Variants in NLRP5 observed in about 807,000 individuals in gnomAD.
NLRP5 encodes the protein NLR family pyrin domain containing 5, also known as NACHT, LRR and PYD domains-containing protein 5.
In NLRP5, 93 loss-of-function variants were observed where a neutral mutation model predicts 113.1. That is an observed-to-expected ratio of 0.82 (90% CI 0.70 to 0.98). The LOEUF (loss-of-function observed/expected upper bound fraction) is 0.98. Among genes scored for constraint, NLRP5 ranks in the 50% least tolerant of loss-of-function variants. NLRP5 has a pLI of 0.00. For missense variants in NLRP5, 1,808 were observed against 1,514.3 expected (o/e 1.19, Z -3.22); for synonymous variants, 751 against 600.7 (o/e 1.25, Z -3.66).
At position 56,033,604 on chromosome 19, in the gene NLRP5, G is replaced by A. The variant is rs201517651; in HGVS notation, c.2510G>A (p.Arg837His). ...CTCTGGAGAATCGTCATGGCCAACC[G>A]TAACCTAAGATCCCTCAACTTGGGA... The change falls in exon 9 of 15, where the codon CGT (arginine) becomes CAT (histidine). Residue 837 changes from arginine to histidine, a missense_variant. By Grantham distance (29) the Arg-to-His change is conservative. Transcript: ENST00000390649. 34 of 1,613,528 alleles carry A rather than the reference G, an allele frequency of 2.1e-5. No homozygotes were observed. Among genetic ancestry groups the A allele is most frequent in the Middle Eastern group, 1.7e-4 (1 of 6,060 alleles).
In NLRP5 at chr19:56,053,617, T is replaced by C. The variant is rs1984014003; in HGVS notation, c.3129-21T>C. 5.6e-6 allele frequency: 9 copies of C among 1,605,444 alleles called. No homozygotes were observed. In the South Asian group the frequency reaches 8.9e-5, roughly 16 times the overall value. On this transcript the variant is annotated intron_variant, in intron 12 of 14. Coordinates refer to ENST00000390649, the MANE Select transcript of NLRP5 (RefSeq NM_153447.4). ...CTTTCCTCGAGAGAGGCAGACTCTC[T>C]CTATTCCCCGCCTCTTGCAGGTTGG... is the stretch of plus-strand genomic sequence containing the variant.
chr19:56,013,600 T>TTTTTTTTTTTTTTTTTTTTTTTG (rs1982292195), intron 3 of NLRP5, among the ~76,000 whole-genome samples: 1 of 130,774 alleles, frequency 7.6e-6, no homozygotes, highest in African/African-American at 2.9e-5. Context: ...ATTTGGGTTT[T>TTTTTTTTTTTTTTTTTTTTTTTG]TTTTTTTTTT....
At position 56,033,690 on chromosome 19, in the gene NLRP5, T is replaced by C. The variant is rs755525227; in HGVS notation, c.2596T>C (p.Cys866Arg). 11 of 1,613,228 alleles carry C rather than the reference T, an allele frequency of 6.8e-6. No individual in the cohort carries two copies. The highest frequency in any genetic ancestry group is 9.3e-6 in the Non-Finnish European group (11 of 1,179,590). The change falls in exon 9 of 15, where the codon TGT becomes CGT. Residue 866 changes from cysteine (C) to arginine (R), a missense_variant. Transcript: ENST00000390649. ...GTGTGAAGCCTTAAAACACCCAAAA[T>C]GTTTGTTGGAGTCTTTGAGGTACGT...
chr19:56,036,058 C>CTTTTT (rs34956178), intron 9 of NLRP5, among the ~76,000 whole-genome samples: 991 of 76,968 alleles, frequency 0.013, 65 homozygotes, highest in East Asian at 0.095. Context: ...AATTGAGATT[C>CTTTTT]TTTTTTTTTT....
chr19:56,031,239 C>T (rs1983100031), intron 7 of NLRP5, among the ~76,000 whole-genome samples: 1 of 152,142 alleles, frequency 6.6e-6, no homozygotes, highest in South Asian at 2.1e-4. Flanking sequence ...ACATCACTGA[C>T]CCTTCATGCC....
chr19:56,049,754 C>A (rs1000290566), intron 11 of NLRP5, among the ~76,000 whole-genome samples: 16 of 152,112 alleles, frequency 1.1e-4, no homozygotes, highest in Admixed American at 1.0e-3. Context: ...TTGCTTGTAT[C>A]ATATTTTGGA....
In NLRP5 at chr19:56,019,841, A is replaced by ATTTTT. The variant is rs56651636; in HGVS notation, c.622+452_622+456dup. On this transcript the variant is annotated intron_variant, in intron 5 of 14. Transcript: ENST00000390649. Reference sequence around the variant, plus strand: ...GAAAAACATGTCTTGCCTTCATGGCATTTTTTTTTTTTTGAGAAGGAGTCT... The same window carrying ATTTTT: ...GAAAAACATGTCTTGCCTTCATGGCATTTTTTTTTTTTTTTTTTGAGAAGGAGTCT... Among the ~76,000 whole-genome samples, 95 of 142,824 alleles carry ATTTTT rather than the reference A, an allele frequency of 6.7e-4. 10 individuals are homozygous for ATTTTT. The highest frequency in any genetic ancestry group is 2.5e-3 in the African/African-American group (90 of 36,388). The allele number at this position is 142,824 out of a possible 152,430, so 93.7% of individuals were successfully genotyped here.
At chr19:56,011,839 G>A (rs561432153) in intron 3 of NLRP5, among the ~76,000 whole-genome samples, 44 of 151,388 alleles carry the variant, frequency 2.9e-4, no homozygotes, top group African/African-American at 9.9e-4. Context: ...TTACACACGC[G>A]CGCCACCGTG....
chr19:55,987,929 T>C, the NLRP5 span: 1 of 1,577,672 alleles, frequency 6.3e-7, no homozygotes, highest in South Asian at 1.1e-5. Flanking sequence ...CCAGTCATCT[T>C]TCTCTGGGGC....
chr19:56,053,064 T>G (rs1983990014), intron 12 of NLRP5, among the ~76,000 whole-genome samples: 1 of 151,848 alleles, frequency 6.6e-6, no homozygotes, highest in African/African-American at 2.4e-5. Flanking sequence ...GCCATTGCAC[T>G]CCAGCCTGGG....
At position 56,025,480 on chromosome 19, in the gene NLRP5, G is replaced by A. The variant is rs949659724; in HGVS notation, c.680-1433G>A. On this transcript the variant is annotated intron_variant, in intron 6 of 14. Transcript: ENST00000390649. ...GAGTGCAGTGGCACAATCTTGGCTCGCTGCAAGCTCCACCTTCTGCGTTCA... is the reference window on the plus strand; with the variant it reads ...GAGTGCAGTGGCACAATCTTGGCTCACTGCAAGCTCCACCTTCTGCGTTCA... Among the ~76,000 whole-genome samples, 11 of 151,846 alleles carry A rather than the reference G, an allele frequency of 7.2e-5. No homozygotes were observed. In the South Asian group the frequency reaches 1.9e-3, roughly 26 times the overall value.
chr19:56,016,162 A>C (rs1568486468), intron 4 of NLRP5, among the ~76,000 whole-genome samples: 1 of 151,830 alleles, frequency 6.6e-6, no homozygotes, highest in Non-Finnish European at 1.5e-5. Flanking sequence ...TTACTTATTT[A>C]TTTATTTTGA....
At chr19:56,000,760 C>T (rs1050371231) in intron 1 of NLRP5, among the ~76,000 whole-genome samples, 2 of 151,614 alleles carry the variant, frequency 1.3e-5, no homozygotes, top group African/African-American at 4.8e-5. Context: ...ATAATCTCAG[C>T]ACTTTGGGAG....
chr19:56,046,754 G>C (rs147273392), intron 11 of NLRP5, among the ~76,000 whole-genome samples: 1 of 151,944 alleles, frequency 6.6e-6, no homozygotes, highest in Non-Finnish European at 1.5e-5. Context: ...CCGTGGTCTC[G>C]ATCTCCTGAC....
rs1491011983 is a variant in NLRP5 at position 56,055,533 on chromosome 19, C to CTTTTTTTTTTTTTTTTTTTTT, written c.3299+1726_3299+1727insTTTTTTTTTTTTTTTTTTTTT. On this transcript the variant is annotated intron_variant, in intron 13 of 14. Coordinates refer to ENST00000390649, the MANE Select transcript of NLRP5 (RefSeq NM_153447.4). ...AGCTCCATGTTCTATTTTTCTTTCT[C>CTTTTTTTTTTTTTTTTTTTTT]TGTCTTTTTTTTTTTTTTTTTTTTT... is the stretch of plus-strand genomic sequence containing the variant. 3.7e-4 allele frequency among the ~76,000 whole-genome samples: 37 copies of CTTTTTTTTTTTTTTTTTTTTT among 99,540 alleles called. 5 individuals are homozygous for CTTTTTTTTTTTTTTTTTTTTT. The highest frequency in any genetic ancestry group is 5.6e-4 in the Non-Finnish European group (27 of 48,256). The allele number at this position is 99,540 out of a possible 152,430, so 65.3% of individuals were successfully genotyped here. A position where few individuals can be genotyped will look rare whatever the true frequency, so the allele number is the denominator to read the frequency against.
Position 56,038,144 on chromosome 19 carries a change from T to G in NLRP5, c.2735T>G (p.Met912Arg). 19 of 1,613,572 alleles carry G rather than the reference T, an allele frequency of 1.2e-5. No homozygotes were observed. Among genetic ancestry groups the G allele is most frequent in the Non-Finnish European group, 1.5e-5 (18 of 1,179,762 alleles). ...AACAAGGTGACAGACCAGGGAGTAA[T>G]GCCTCTCAGTGATGCCTTGAGAGTC... The change falls in exon 10 of 15, where the codon ATG becomes AGG. Residue 912 changes from methionine (M) to arginine (R), a missense_variant. Transcript: ENST00000390649.
At chr19:55,991,693 G>T in the NLRP5 span, among the ~76,000 whole-genome samples, 2 of 151,944 alleles carry the variant, frequency 1.3e-5, no homozygotes, top group Non-Finnish European at 2.9e-5. Flanking sequence ...AATTTATTAG[G>T]CATACATACC....
chr19:56,027,071 C>G lies in NLRP5; in HGVS notation c.838C>G (p.Arg280Gly), dbSNP rs372305298. The G allele has an allele frequency of 6.4e-7, 1 of 1,558,030 alleles. No individual in the cohort carries two copies. The highest frequency in any genetic ancestry group is 1.9e-5 in the Admixed American group (1 of 51,460). The change falls in exon 7 of 15, where the codon CGC becomes GGC. Residue 280 changes from arginine to glycine, a missense_variant. By Grantham distance (125) the Arg-to-Gly change is moderately radical. Coordinates refer to ENST00000390649, the MANE Select transcript of NLRP5 (RefSeq NM_153447.4). ...TTCAGACCGGTGGGGCTTCCGGCCT[C>G]GCACGGTGGTTCTGCACGGAAAGTC...
Position 56,055,537 on chromosome 19 carries a change from C to CTTTTTTTTTTTTTTT in NLRP5, c.3299+1741_3299+1755dup, listed in dbSNP as rs1160965587. On this transcript the variant is annotated intron_variant, in intron 13 of 14. Coordinates refer to ENST00000390649, the MANE Select transcript of NLRP5 (RefSeq NM_153447.4). ...CCATGTTCTATTTTTCTTTCTCTGT[C>CTTTTTTTTTTTTTTT]TTTTTTTTTTTTTTTTTTTTTTTTT... 1.0e-3 allele frequency among the ~76,000 whole-genome samples: 79 copies of CTTTTTTTTTTTTTTT among 76,458 alleles called. 7 individuals carry two copies. The highest frequency in any genetic ancestry group is 1.4e-3 in the Non-Finnish European group (58 of 42,280). The allele number at this position is 76,458 out of a possible 152,430, so 50.2% of individuals were successfully genotyped here.
Sources: allele counts gnomAD v4.1 joint callset (sites outside exome capture counted in the v4.1 genomes callset), GRCh38; gene constraint gnomAD v4.1.1; transcripts MANE v1.5; gene names NCBI Gene and HGNC (gene_info 2026-07-23, HGNC 2026-07-21).